The following PTGES2 variants were observed in gnomAD, a reference collection of about 807,000 sequenced individuals.
The protein encoded by PTGES2 is prostaglandin E synthase 2.
PTGES2 carries 35 observed loss-of-function variants against 44.5 expected under a neutral mutation model. The observed-to-expected ratio is 0.79, with a 90% confidence interval of 0.60 to 1.04. The LOEUF (loss-of-function observed/expected upper bound fraction) is 1.04. PTGES2 is among the 50% of genes least tolerant of loss of function. PTGES2 has a pLI of 0.00. For missense variants in PTGES2, 517 were observed against 521.4 expected (o/e 0.99, Z 0.08); for synonymous variants, 221 against 227.5 (o/e 0.97, Z 0.26).
chr9:128,123,949 A>G lies in PTGES2; in HGVS notation c.537-98T>C, dbSNP rs1034004102. 3.6e-6 allele frequency: 5 copies of G among 1,392,630 alleles called. No individual in the cohort carries two copies. The highest frequency in any genetic ancestry group is 1.4e-5 in the African/African-American group (1 of 70,338). 86.3% of individuals were successfully genotyped at this position (1,392,630 alleles called of 1,614,324 possible). ...CCAGCCTCAGAGTGGAGCCAGGACC[A>G]ACAAAGGCTCTCCGGACTCTTGCAG... On this transcript the variant is annotated intron_variant, in intron 3 of 6. Coordinates refer to ENST00000338961, the MANE Select transcript of PTGES2 (RefSeq NM_025072.7). This position sits in a 1 kb window ranked among gnomAD's most constrained non-coding sequence, Gnocchi z 4.4.
upstream of PTGES2, chr9:128,128,164 G>GGGT: frequency 2.7e-5 from 7 of 256,674 alleles, no homozygotes; most frequent in South Asian, 1.5e-4. Context: ...GACCCGACCC[G>GGGT]GCACCAGGTG....
At chr9:128,122,250 G>C in intron 6 of PTGES2, 112 bp downstream of exon 6, 1 of 805,402 alleles carries the variant, frequency 1.2e-6, no homozygotes, top group Non-Finnish European at 2.1e-6. Flanking sequence ...GGCAGAGAGA[G>C]GCAGGTTCCT....
In PTGES2 at chr9:128,124,518, G is replaced by A. The variant is rs377233654; in HGVS notation, c.510C>T (p.Ser170=). 1.3e-5 allele frequency: 21 copies of A among 1,613,564 alleles called. No individual in the cohort carries two copies. The South Asian group carries it at 1.3e-4, about 10-fold the overall frequency. Residue 170 remains serine, a synonymous_variant, in exon 3 of 7, where the codon AGC becomes AGT. Coordinates refer to ENST00000338961, the MANE Select transcript of PTGES2 (RefSeq NM_025072.7). Reference sequence around the variant, plus strand: ...CCGACACCAGGTAGGTCTTGAGGGCGCTGATGATGACAGAGGAGTCATTTA... The same window carrying A: ...CCGACACCAGGTAGGTCTTGAGGGCACTGATGATGACAGAGGAGTCATTTA... The part of the protein sequence containing the change: ...QQLNDSSVII[S]ALKTYLVSGQ...
chr9:128,124,405 C>T (rs546941824), intron 3 of PTGES2, 87 bp downstream of exon 3: 28 of 1,192,444 alleles, frequency 2.3e-5, no homozygotes, highest in African/African-American at 1.5e-4. Context: ...AGCAGCTCCA[C>T]GTGCTCCCAG....
rs770741720 is a variant in PTGES2, at chr9:128,123,828, G to A, written c.560C>T (p.Thr187Ile). 2 of 1,614,016 alleles carry A rather than the reference G, an allele frequency of 1.2e-6. No individual in the cohort carries two copies. Among genetic ancestry groups the A allele is most frequent in the Admixed American group, 1.7e-5 (1 of 60,020 alleles). Residue 187 changes from threonine to isoleucine, a missense_variant, in exon 4 of 7, where the codon ACC (threonine) becomes ATC (isoleucine). Physicochemically the swap from Thr to Ile is moderately conservative, Grantham distance 89. Coordinates refer to ENST00000338961, the MANE Select transcript of PTGES2 (RefSeq NM_025072.7). The surrounding 1 kb of genome is among the most constrained non-coding windows in gnomAD (Gnocchi z 4.4). ...CACAGCCTTCATGGCTGGGTAGTAG[G>A]TGATGATCTCTTCCAGGGGCTGCCT... is the stretch of plus-strand genomic sequence containing the variant. Reference protein sequence around the residue: ...VSGQPLEEIITYYPAMKAVNE... With the variant: ...VSGQPLEEIIIYYPAMKAVNE...
At position 128,122,805 on chromosome 9, in the gene PTGES2, A is replaced by G. The variant is rs1834466115; in HGVS notation, c.887+129T>C. On this transcript the variant is annotated intron_variant, in intron 5 of 6. Coordinates refer to ENST00000338961, the MANE Select transcript of PTGES2 (RefSeq NM_025072.7). ...ATCTTGGCCAAGGGACCCATAATCCATAATGCGTTTCCCACCTGCCCTAGG... is the reference window on the plus strand; with the variant it reads ...ATCTTGGCCAAGGGACCCATAATCCGTAATGCGTTTCCCACCTGCCCTAGG... The G allele has an allele frequency of 1.4e-5, 13 of 937,862 alleles. No individual in the cohort carries two copies. The Admixed American group carries it at 1.5e-4, about 11-fold the overall frequency. The allele number at this position is 937,862 out of a possible 1,614,324, so 58.1% of individuals were successfully genotyped here.
At chr9:128,127,197 A>AAAAG (rs1834655497) in intron 1 of PTGES2, among the ~76,000 whole-genome samples, 1 of 149,196 alleles carries the variant, frequency 6.7e-6, no homozygotes, top group Non-Finnish European at 1.5e-5. Flanking sequence ...AAACCAAAAA[A>AAAAG]AAAAAAAAAA....
intron 3 of PTGES2, among the ~76,000 whole-genome samples, 191 bp from the exon 4 acceptor site, chr9:128,124,042 A>T (rs3824578): frequency 6.6e-6 from 1 of 151,538 alleles, no homozygotes; most frequent in East Asian, 1.9e-4. Flanking sequence ...AGGACAAAGT[A>T]GGGGGCTTGG....
chr9:128,127,791 G>C (rs1444562808), upstream of PTGES2: 2 of 1,216,520 alleles, frequency 1.6e-6, no homozygotes, highest in Non-Finnish European at 2.1e-6. Flanking sequence ...TAAAGGGCCA[G>C]GACTCTGGCG....
chr9:128,121,261 C>T lies in PTGES2; in HGVS notation c.1018G>A (p.Val340Met), dbSNP rs572724202. The T allele has an allele frequency of 2.7e-5, 43 of 1,607,210 alleles. No homozygotes were observed. In the Admixed American group the frequency reaches 2.9e-4, roughly 11 times the overall value. Residue 340 changes from valine (V) to methionine (M), a missense_variant, in exon 7 of 7, where the codon GTG (valine) becomes ATG (methionine). Transcript: ENST00000338961. The part of the protein sequence containing the change: ...PNLADLAVYG[V>M]LRVMEGLDAF... Reference sequence around the variant, plus strand: ...TCCAGCCCCTCCATCACACGCAGCACGCCATACACCGCCTGGGGCACGAAC... The same window carrying T: ...TCCAGCCCCTCCATCACACGCAGCATGCCATACACCGCCTGGGGCACGAAC...
chr9:128,121,114 G>A lies in PTGES2; in HGVS notation c.*31C>T, dbSNP rs201789766. On this transcript the variant is annotated 3_prime_UTR_variant, in exon 7 of 7. Transcript: ENST00000338961. ...CAGGCCCTGGCAGCTGGCGTCTTCCGCTGCCTTCCCTCTGCTCTGCGCGGG... is the reference window on the plus strand; with the variant it reads ...CAGGCCCTGGCAGCTGGCGTCTTCCACTGCCTTCCCTCTGCTCTGCGCGGG... 5.4e-5 allele frequency: 84 copies of A among 1,562,924 alleles called. No homozygotes were observed. The highest frequency in any genetic ancestry group is 4.0e-4 in the Middle Eastern group (2 of 4,994).
Position 128,120,916 on chromosome 9 carries a change from G to C in PTGES2, c.*229C>G. The C allele has an allele frequency of 3.6e-6, 2 of 553,834 alleles. No homozygotes were observed. Among genetic ancestry groups the C allele is most frequent in the Non-Finnish European group, 6.3e-6 (2 of 318,366 alleles). The allele number at this position is 553,834 out of a possible 1,614,324, so 34.3% of individuals were successfully genotyped here. Reference sequence around the variant, plus strand: ...AGAGGGGCGGCAGAGCAGGGAGGCAGGGACAGGGAGGGGTCGCCCCAGGGC... The same window carrying C: ...AGAGGGGCGGCAGAGCAGGGAGGCACGGACAGGGAGGGGTCGCCCCAGGGC... On this transcript the variant is annotated 3_prime_UTR_variant, in exon 7 of 7. Coordinates refer to ENST00000338961, the MANE Select transcript of PTGES2 (RefSeq NM_025072.7).
chr9:128,123,128 C>T lies in PTGES2; in HGVS notation c.693G>A (p.Glu231=), dbSNP rs1175731443. The T allele has an allele frequency of 4.3e-6, 7 of 1,609,390 alleles. No homozygotes were observed. The highest frequency in any genetic ancestry group is 5.9e-6 in the Non-Finnish European group (7 of 1,179,748). Residue 231 remains glutamate (E), a synonymous_variant, in exon 5 of 7, where the codon GAG becomes GAA. Coordinates refer to ENST00000338961, the MANE Select transcript of PTGES2 (RefSeq NM_025072.7). The surrounding 1 kb of genome is among the most constrained non-coding windows in gnomAD (Gnocchi z 4.4). ...CGTCCGCCCACTGCCGCCACTTCAT[C>T]TCCTCCCTGCGGGCACGGGAGGGAC... ...VYGGKEARTE[E]MKWRQWADDW...
chr9:128,122,546 C>G lies in PTGES2; in HGVS notation c.888-67G>C, dbSNP rs187987009. The stretch of plus-strand genomic sequence containing the variant: ...CCCAGCCCAGCAGGGAAGAGGGTCT[C>G]CTCTGGGGAGAGGGGGGAGGTGTGG... On this transcript the variant is annotated intron_variant, in intron 5 of 6. Transcript: ENST00000338961. The G allele has an allele frequency of 3.4e-4, 478 of 1,393,468 alleles. 1 individual carries two copies. Among genetic ancestry groups the G allele is most frequent in the Admixed American group, 5.0e-4 (29 of 58,254 alleles). 86.3% of individuals were successfully genotyped at this position (1,393,468 alleles called of 1,614,324 possible).
At position 128,122,427 on chromosome 9, in the gene PTGES2, A is replaced by C. The variant is rs144839597; in HGVS notation, c.940T>G (p.Trp314Gly). ...CGGTCCTTGCCCACAGCAGCCACCC[A>C]CTTGTCAGCAGCCTCATAGAGGTCC... ...REDLYEAADK[W>G]VAAVGKDRPF... is the part of the protein sequence containing the mutation. The change falls in exon 6 of 7, where the codon TGG (tryptophan) becomes GGG (glycine). Residue 314 changes from tryptophan to glycine, a missense_variant. By Grantham distance (184) the Trp-to-Gly change is radical. Coordinates refer to ENST00000338961, the MANE Select transcript of PTGES2 (RefSeq NM_025072.7). 9.9e-6 allele frequency: 16 copies of C among 1,614,024 alleles called. No homozygotes were observed. Among genetic ancestry groups the C allele is most frequent in the Non-Finnish European group, 1.4e-5 (16 of 1,180,014 alleles).
At position 128,127,546 on chromosome 9, in the gene PTGES2, G is replaced by T; in HGVS notation, c.172C>A (p.Leu58Met). 1 of 1,291,270 alleles carries T rather than the reference G, an allele frequency of 7.7e-7. No individual in the cohort carries two copies. The highest frequency in any genetic ancestry group is 1.5e-5 in the African/African-American group (1 of 64,914). 80.0% of individuals were successfully genotyped at this position (1,291,270 alleles called of 1,614,324 possible). Residue 58 changes from leucine (L) to methionine (M), a missense_variant, in exon 1 of 7, where the codon CTG becomes ATG. Physicochemically the swap from Leu to Met is conservative, Grantham distance 15. Coordinates refer to ENST00000338961, the MANE Select transcript of PTGES2 (RefSeq NM_025072.7). Reference protein sequence around the residue: ...VAAARKGSPRLLGAAALALGG... With the variant: ...VAAARKGSPRMLGAAALALGG... ...AGGGCCAGCGCCGCAGCTCCCAGCA[G>T]CCGCGGGCTCCCCTTACGAGCTGCA...
At chr9:128,127,161 A>G (rs1834650699) in intron 1 of PTGES2, among the ~76,000 whole-genome samples, 1 of 111,944 alleles carries the variant, frequency 8.9e-6, no homozygotes, top group Non-Finnish European at 1.7e-5. Context: ...ATAATGCGAG[A>G]CCCTGTCTCG....
At position 128,127,508 on chromosome 9, in the gene PTGES2, C is replaced by T; in HGVS notation, c.210G>A (p.Leu70=). 1 of 1,349,290 alleles carries T rather than the reference C, an allele frequency of 7.4e-7. No individual in the cohort carries two copies. The highest frequency in any genetic ancestry group is 9.5e-7 in the Non-Finnish European group (1 of 1,048,642). 83.6% of individuals were successfully genotyped at this position (1,349,290 alleles called of 1,614,324 possible). The change falls in exon 1 of 7, where the codon CTG becomes CTA. Residue 70 remains leucine (L), a synonymous_variant. Coordinates refer to ENST00000338961, the MANE Select transcript of PTGES2 (RefSeq NM_025072.7). ...GCCACCGCGCCGTGTGGTACAGCCC[C>T]AGGGCTCCCCCCAGGGCCAGCGCCG... The part of the protein sequence containing the change: ...GAAALALGGA[L]GLYHTARWHL...
chr9:128,124,631 T>G, intron 2 of PTGES2, 81 bp from the exon 3 acceptor site: 1 of 1,417,594 alleles, frequency 7.1e-7, no homozygotes, highest in Admixed American at 1.8e-5. Context: ...CAAGACACTC[T>G]GGGCATTGTT....
Sources: gnomAD v4.1 joint callset for allele counts (sites outside exome capture counted in the v4.1 genomes callset) on GRCh38, gnomAD v4.1.1 for gene constraint, Gnocchi (gnomAD v3.1) non-coding constraint, MANE v1.5 for transcripts, NCBI Gene and HGNC (gene_info 2026-07-23, HGNC 2026-07-21) for gene names.